FHIT: variants seen among roughly 807,000 people sequenced by gnomAD.
FHIT encodes the protein bis(5'-adenosyl)-triphosphatase.
FHIT carries 19 observed loss-of-function variants against 17.9 expected under a neutral mutation model. The observed-to-expected ratio is 1.06, with a 90% CI of 0.74 to 1.56. FHIT has a LOEUF of 1.56. Ranked by LOEUF, FHIT falls within the 40% of genes most tolerant of loss-of-function variation. FHIT has a pLI of 0.00. For missense variants in FHIT, 248 were observed against 189.2 expected (o/e 1.31, Z -1.82); for synonymous variants, 81 against 69.7 (o/e 1.16, Z -0.81).
rs143034557 is a variant in FHIT, at chr3:61,185,795, G to A, written c.-164+14822C>T. Reference sequence around the variant, plus strand: ...ACTTGGAGTCATCTCTGGGCTGTAGGATTATACACAATTTCTATTTTCTTC... The same window carrying A: ...ACTTGGAGTCATCTCTGGGCTGTAGAATTATACACAATTTCTATTTTCTTC... On this transcript the variant is annotated intron_variant, in intron 2 of 9. Coordinates refer to ENST00000492590, the MANE Select transcript of FHIT (RefSeq NM_002012.4). Among the ~76,000 whole-genome samples, 665 of 152,270 alleles carry A rather than the reference G, an allele frequency of 4.4e-3. 22 individuals carry two copies. The highest frequency in any genetic ancestry group is 0.04 in the Admixed American group (612 of 15,282).
intron 5 of FHIT, among the ~76,000 whole-genome samples, chr3:60,374,324 T>A (rs1246705319): frequency 6.6e-6 from 1 of 152,192 alleles, no homozygotes; most frequent in Non-Finnish European, 1.5e-5. Context: ...GTAAGAAGTC[T>A]CTATTTTTTT....
chr3:60,635,831 A>G (rs2039570344), intron 4 of FHIT, among the ~76,000 whole-genome samples: 1 of 152,182 alleles, frequency 6.6e-6, no homozygotes, highest in African/African-American at 2.4e-5. Context: ...ACGGGCAGAC[A>G]GCAAGTATTT....
chr3:60,529,283 T>A (rs368029121), intron 5 of FHIT, among the ~76,000 whole-genome samples: 85 of 152,290 alleles, frequency 5.6e-4, no homozygotes, highest in African/African-American at 2.0e-3. Flanking sequence ...CACATATACG[T>A]ATTTTGTATA....
At chr3:60,114,489 C>CTTT (rs1576129465) in intron 5 of FHIT, among the ~76,000 whole-genome samples, 11 of 61,592 alleles carry the variant, frequency 1.8e-4, no homozygotes, top group African/African-American at 2.5e-4. Context: ...AAGAGAAATC[C>CTTT]TTTTTTTTTT....
intron 4 of FHIT, among the ~76,000 whole-genome samples, chr3:60,608,178 CCTAT>C (rs1327497519): frequency 6.6e-5 from 10 of 152,104 alleles, no homozygotes; most frequent in African/African-American, 2.4e-4. Context: ...TCTTTCTTTC[CCTAT>C]CTAATTTTCT....
chr3:60,150,657 C>T (rs1028975540), intron 5 of FHIT, among the ~76,000 whole-genome samples: 4 of 152,198 alleles, frequency 2.6e-5, no homozygotes, highest in African/African-American at 9.6e-5. Context: ...GTCGCTCACA[C>T]CTGCAATCCC....
At chr3:60,720,362 C>A (rs2041782003) in intron 4 of FHIT, among the ~76,000 whole-genome samples, 1 of 152,082 alleles carries the variant, frequency 6.6e-6, no homozygotes, top group Non-Finnish European at 1.5e-5. Flanking sequence ...TTGCCTGTGC[C>A]CCATAAATAT....
intron 5 of FHIT, among the ~76,000 whole-genome samples, chr3:60,263,664 G>A (rs548890768): frequency 6.6e-6 from 1 of 151,930 alleles, no homozygotes; most frequent in Non-Finnish European, 1.5e-5. Context: ...CTGAGGCCAG[G>A]GGTGGTAGAG....
intron 5 of FHIT, among the ~76,000 whole-genome samples, chr3:60,456,126 C>G (rs104795): frequency 0.4 from 60,997 of 152,016 alleles, 13,924 homozygotes; most frequent in African/African-American, 0.62. Context: ...CATCTGATCA[C>G]ATGCCCCTGA....
At chr3:60,325,923 G>A (rs1054433082) in intron 5 of FHIT, among the ~76,000 whole-genome samples, 5 of 152,176 alleles carry the variant, frequency 3.3e-5, no homozygotes, top group African/African-American at 9.7e-5. Context: ...AATCATGACC[G>A]ACGTGATGGC....
chr3:59,967,500 A>T (rs1707981024), intron 7 of FHIT, among the ~76,000 whole-genome samples: 1 of 152,188 alleles, frequency 6.6e-6, no homozygotes, highest in South Asian at 2.1e-4. Flanking sequence ...TTTCAGCTCC[A>T]TTATAATCTT....
intron 7 of FHIT, among the ~76,000 whole-genome samples, chr3:59,939,827 AT>A (rs1706423475): frequency 6.6e-6 from 1 of 152,200 alleles, no homozygotes. Flanking sequence ...CAAAAAGTCT[AT>A]AGAGGTAGGG....
chr3:60,522,885 A>G (rs181364004), intron 5 of FHIT, among the ~76,000 whole-genome samples: 120 of 152,272 alleles, frequency 7.9e-4, no homozygotes, highest in African/African-American at 2.6e-3. Context: ...TCAGGCTGCT[A>G]AAGACACACC....
intron 4 of FHIT, among the ~76,000 whole-genome samples, chr3:60,640,538 A>G (rs1266175326): frequency 6.6e-6 from 1 of 152,176 alleles, no homozygotes; most frequent in Non-Finnish European, 1.5e-5. Context: ...GAAAATATTT[A>G]TTGAGCTAAA....
intron 5 of FHIT, among the ~76,000 whole-genome samples, chr3:60,308,371 C>G (rs1255938090): frequency 6.6e-6 from 1 of 151,994 alleles, no homozygotes; most frequent in Non-Finnish European, 1.5e-5. Context: ...ACAGGGTTAA[C>G]TGACAACTCT....
chr3:59,958,382 T>C (rs1433499452), intron 7 of FHIT, among the ~76,000 whole-genome samples: 1 of 152,196 alleles, frequency 6.6e-6, no homozygotes, highest in Non-Finnish European at 1.5e-5. Flanking sequence ...ACCAAGTTGA[T>C]TATTGCACAA....
chr3:61,147,559 A>G (rs2037261117), intron 2 of FHIT, among the ~76,000 whole-genome samples: 1 of 152,030 alleles, frequency 6.6e-6, no homozygotes. Flanking sequence ...AGGCTGCATG[A>G]TATCCCCAAA....
intron 2 of FHIT, among the ~76,000 whole-genome samples, chr3:61,050,728 G>A (rs1235526763): frequency 2.0e-5 from 3 of 152,170 alleles, no homozygotes; most frequent in South Asian, 2.1e-4. Flanking sequence ...TGCACGCATG[G>A]GTGTTCATTA....
At chr3:60,252,166 T>C (rs1173300439) in intron 5 of FHIT, among the ~76,000 whole-genome samples, 1 of 152,212 alleles carries the variant, frequency 6.6e-6, no homozygotes, top group East Asian at 1.9e-4. Context: ...TTAAAGGTTC[T>C]GTGTTAGACA....
Sources: gnomAD v4.1 joint callset for allele counts (sites outside exome capture counted in the v4.1 genomes callset) on GRCh38, gnomAD v4.1.1 for gene constraint, MANE v1.5 for transcripts, NCBI Gene and HGNC (gene_info 2026-07-23, HGNC 2026-07-21) for gene names.